PCDH15: variants seen among roughly 807,000 people sequenced by gnomAD.
PCDH15 encodes the protein protocadherin-15.
PCDH15 carries 129 observed loss-of-function variants against 178.5 expected under a neutral mutation model. The ratio of observed to expected loss-of-function variants is 0.72; its 90% CI spans 0.63 to 0.84. PCDH15 has a LOEUF of 0.84. Ranked by LOEUF, PCDH15 falls within the 40% of genes least tolerant of loss-of-function variation. The pLI, the probability that PCDH15 is intolerant of heterozygous loss-of-function variation, is 0.00. For synonymous variants in PCDH15, 800 were observed against 732.0 expected (o/e 1.09, Z -1.50); for missense variants, 2,230 against 2,099.9 (o/e 1.06, Z -1.21).
At chr10:54,788,029 G>T (rs1461755254) in intron 1 of PCDH15, among the ~76,000 whole-genome samples, 1 of 151,740 alleles carries the variant, frequency 6.6e-6, no homozygotes, top group African/African-American at 2.4e-5. Flanking sequence ...AAAGAAGAGA[G>T]GCACAGGAAG....
At chr10:55,192,234 G>A (rs1214687515) in intron 1 of PCDH15, among the ~76,000 whole-genome samples, 1 of 151,580 alleles carries the variant, frequency 6.6e-6, no homozygotes, top group Non-Finnish European at 1.5e-5. Flanking sequence ...TATTTCCTCT[G>A]TCTCTTCCAT....
At chr10:54,758,346 C>T (rs918736242) in intron 1 of PCDH15, among the ~76,000 whole-genome samples, 1 of 152,178 alleles carries the variant, frequency 6.6e-6, no homozygotes, top group Admixed American at 6.5e-5. Flanking sequence ...TGCTAGGCTG[C>T]AGACCCCAGC....
chr10:54,514,219 A>C (rs1374986467), intron 3 of PCDH15, among the ~76,000 whole-genome samples: 1 of 152,186 alleles, frequency 6.6e-6, no homozygotes, highest in Non-Finnish European at 1.5e-5. Flanking sequence ...TCTTAATTTT[A>C]ACTAATAGTC....
chr10:55,272,533 C>A (rs974951226), intron 1 of PCDH15, among the ~76,000 whole-genome samples: 30 of 151,820 alleles, frequency 2.0e-4, no homozygotes, highest in African/African-American at 7.0e-4. Flanking sequence ...GGACACACAC[C>A]ACCACACCCG....
At chr10:55,446,720 T>C (rs774006349) in intron 2 of PCDH15, among the ~76,000 whole-genome samples, 1 of 152,130 alleles carries the variant, frequency 6.6e-6, no homozygotes, top group Non-Finnish European at 1.5e-5. Context: ...GAGGCTTTAT[T>C]GTTTCCAGTT....
chr10:54,661,154 T>C (rs2094485022), intron 2 of PCDH15, among the ~76,000 whole-genome samples: 1 of 152,046 alleles, frequency 6.6e-6, no homozygotes, highest in Non-Finnish European at 1.5e-5. Flanking sequence ...CCTTGATATT[T>C]CCTCCAAAAG....
At chr10:54,332,071 A>T (rs1003140205) in intron 6 of PCDH15, among the ~76,000 whole-genome samples, 2 of 150,734 alleles carry the variant, frequency 1.3e-5, no homozygotes, top group Admixed American at 1.3e-4. Flanking sequence ...AGAAATAGCT[A>T]ACATGCTAGT....
At chr10:55,071,605 G>A (rs1050651690) in intron 2 of PCDH15, among the ~76,000 whole-genome samples, 2 of 152,014 alleles carry the variant, frequency 1.3e-5, no homozygotes, top group Admixed American at 6.6e-5. Flanking sequence ...AGCAAGTCCT[G>A]AGTGACCAAC....
intron 17 of PCDH15, among the ~76,000 whole-genome samples, chr10:54,071,305 T>A (rs1190622391): frequency 6.6e-6 from 1 of 152,144 alleles, no homozygotes; most frequent in Non-Finnish European, 1.5e-5. Context: ...AGAAATGTGT[T>A]TTGCTCAATA....
At position 55,273,706 on chromosome 10, in the gene PCDH15, T is replaced by C. The variant is rs528978694; in HGVS notation, c.-156+45893A>G. On this transcript the variant is annotated intron_variant, in intron 1 of 5. Coordinates refer to the PCDH15 transcript ENST00000458638. ...TGTTAGAACTTTCCTTATATATCAG[T>C]CACCCAAATTTAATTTATAGAGAGA... Among the ~76,000 whole-genome samples the C allele has an allele frequency of 7.9e-5, 12 of 152,210 alleles. No homozygotes were observed. The East Asian group carries it at 1.9e-3, about 24-fold the overall frequency.
intron 9 of PCDH15, among the ~76,000 whole-genome samples, chr10:54,214,586 G>T (rs1414959997): frequency 6.6e-6 from 1 of 151,986 alleles, no homozygotes; most frequent in African/African-American, 2.4e-5. Context: ...TCTACACAGG[G>T]TATTTATTTA....
rs1322748399 is a variant in PCDH15, at chr10:54,665,548, TTAA to T, written c.-28-1261_-28-1259del. 7.9e-5 allele frequency among the ~76,000 whole-genome samples: 12 copies of T among 152,148 alleles called. No homozygotes were observed. The East Asian group carries it at 2.3e-3, about 29-fold the overall frequency. ...TTATTTTTGATTTATTGCCAAGTAT[TTAA>T]TAATGTTTATTTGTCCAGCAGCATG... On this transcript the variant is annotated intron_variant, in intron 1 of 37. Coordinates refer to ENST00000644397, the MANE Select transcript of PCDH15 (RefSeq NM_001384140.1).
At chr10:55,354,759 C>A (rs1051562006) in intron 2 of PCDH15, among the ~76,000 whole-genome samples, 1 of 151,902 alleles carries the variant, frequency 6.6e-6, no homozygotes, top group African/African-American at 2.4e-5. Flanking sequence ...TTTAAATTAA[C>A]ATAAAATAAA....
At chr10:54,692,081 T>C (rs1335286092) in intron 1 of PCDH15, among the ~76,000 whole-genome samples, 4 of 152,194 alleles carry the variant, frequency 2.6e-5, no homozygotes, top group Non-Finnish European at 5.9e-5. Flanking sequence ...TACCTGCTGC[T>C]GAGAGGAAAA....
intron 2 of PCDH15, among the ~76,000 whole-genome samples, chr10:55,018,187 T>C (rs577922541): frequency 1.6e-4 from 24 of 152,108 alleles, no homozygotes; most frequent in Non-Finnish European, 1.5e-5. Context: ...TAATTTTGCA[T>C]TGCAGTATAA....
chr10:55,318,235 GGA>G (rs1349652266), intron 1 of PCDH15, among the ~76,000 whole-genome samples: 3 of 151,670 alleles, frequency 2.0e-5, no homozygotes, highest in East Asian at 1.9e-4. Flanking sequence ...AGAGAGAGAG[GGA>G]GAGAGAGTAC....
intron 3 of PCDH15, among the ~76,000 whole-genome samples, chr10:54,437,431 C>T (rs1888973): frequency 0.48 from 72,265 of 151,944 alleles, 17,959 homozygotes; most frequent in Middle Eastern, 0.52. Context: ...AAGTCTATAG[C>T]AATGTACAGC....
At chr10:54,793,406 C>T (rs1376096483) in intron 1 of PCDH15, among the ~76,000 whole-genome samples, 4 of 151,524 alleles carry the variant, frequency 2.6e-5, no homozygotes, top group African/African-American at 4.8e-5. Flanking sequence ...AGGAGGACTG[C>T]CATTCTGAAA....
At chr10:55,422,820 C>T (rs1320878739) in intron 2 of PCDH15, among the ~76,000 whole-genome samples, 1 of 151,606 alleles carries the variant, frequency 6.6e-6, no homozygotes, top group Non-Finnish European at 1.5e-5. Flanking sequence ...AAAAGGTAGA[C>T]ATTAATAAGT....
Sources: gnomAD v4.1 joint callset for allele counts (sites outside exome capture counted in the v4.1 genomes callset) on GRCh38, gnomAD v4.1.1 for gene constraint, MANE v1.5 for transcripts, NCBI Gene and HGNC (gene_info 2026-07-23, HGNC 2026-07-21) for gene names.